ITGA9: variants seen among roughly 807,000 people sequenced by gnomAD.
ITGA9 encodes integrin subunit alpha 9, also known as integrin alpha-9.
In ITGA9, 56 loss-of-function variants were observed where a neutral mutation model predicts 127.8. The ratio of observed to expected loss-of-function variants is 0.44; its 90% CI spans 0.35 to 0.55. The LOEUF (loss-of-function observed/expected upper bound fraction) is 0.55, where lower values mean the gene tolerates loss of function less well. Among genes scored for constraint, ITGA9 ranks in the 20% least tolerant of loss-of-function variants. The pLI is 0.00. For synonymous variants in ITGA9, 508 were observed against 514.5 expected, an observed-to-expected ratio of 0.99 and a Z score of 0.17; for missense variants, 1,196 against 1,347.1, an observed-to-expected ratio of 0.89 and a Z score of 1.76.
At chr3:37,717,428 AC>A (rs1701146721) in intron 18 of ITGA9, among the ~76,000 whole-genome samples, 1 of 152,190 alleles carries the variant, frequency 6.6e-6, no homozygotes, top group Non-Finnish European at 1.5e-5. Flanking sequence ...ATAACGAACT[AC>A]CCGAGACTGG....
chr3:37,708,728 C>T (rs1399487826), intron 18 of ITGA9, among the ~76,000 whole-genome samples: 1 of 150 alleles, frequency 6.7e-3, no homozygotes, highest in Non-Finnish European at 0.016. Context: ...GCTGAGAAAC[C>T]CTGGATTATC....
chr3:37,599,141 G>A (rs1202408591), intron 15 of ITGA9, among the ~76,000 whole-genome samples: 1 of 152,230 alleles, frequency 6.6e-6, no homozygotes, highest in African/African-American at 2.4e-5. Context: ...TAGGTGCACG[G>A]CATAGTGTGT....
At chr3:37,530,717 G>GTT (rs71094916) in intron 13 of ITGA9, among the ~76,000 whole-genome samples, 17 of 86,252 alleles carry the variant, frequency 2.0e-4, no homozygotes, top group East Asian at 4.0e-4. Context: ...CAGCTACCAG[G>GTT]TTTTTTTTTT....
At chr3:37,503,359 C>T (rs1698807845) in intron 6 of ITGA9, 52 bp downstream of exon 6, 8 of 1,594,670 alleles carry the variant, frequency 5.0e-6, no homozygotes, top group South Asian at 1.1e-5. Flanking sequence ...GAGTGATTCC[C>T]ACCAGATTCA....
intron 27 of ITGA9, chr3:37,808,642 GT>G (rs1697328979): frequency 6.6e-6 from 1 of 152,220 alleles, no homozygotes; most frequent in South Asian, 2.1e-4. Flanking sequence ...TCCAGGAAGG[GT>G]TTGGCGGGGT....
At chr3:37,740,658 G>T (rs1696421823) in intron 20 of ITGA9, among the ~76,000 whole-genome samples, 1 of 152,140 alleles carries the variant, frequency 6.6e-6, no homozygotes, top group African/African-American at 2.4e-5. Context: ...GTCAAAGGTG[G>T]GTGCTCCATC....
chr3:37,513,067 G>A (rs1172716363), intron 8 of ITGA9, among the ~76,000 whole-genome samples: 1 of 152,212 alleles, frequency 6.6e-6, no homozygotes, highest in Non-Finnish European at 1.5e-5. Flanking sequence ...AGGACCAGGA[G>A]AGAATAACCT....
chr3:37,659,471 G>A (rs1473939863), intron 17 of ITGA9, among the ~76,000 whole-genome samples: 1 of 151,310 alleles, frequency 6.6e-6, no homozygotes, highest in Admixed American at 6.6e-5. Context: ...TGATCGATTT[G>A]GCTGTTGATA....
At chr3:37,744,373 C>T (rs1384440907) in intron 22 of ITGA9, among the ~76,000 whole-genome samples, 1 of 152,214 alleles carries the variant, frequency 6.6e-6, no homozygotes, top group Non-Finnish European at 1.5e-5. Flanking sequence ...TCATTCCCCA[C>T]CTTCTGGGCA....
chr3:37,512,136 TTTC>T (rs1390268047), intron 8 of ITGA9, among the ~76,000 whole-genome samples: 1 of 11,610 alleles, frequency 8.6e-5, no homozygotes, highest in Non-Finnish European at 1.7e-4. Flanking sequence ...TTTCTTTTCT[TTTC>T]TTTTCTTTTC....
chr3:37,694,460 G>A (rs765930194), intron 18 of ITGA9, among the ~76,000 whole-genome samples: 3 of 152,238 alleles, frequency 2.0e-5, no homozygotes, highest in African/African-American at 7.2e-5. Flanking sequence ...GTGGAGAAAC[G>A]CAGATGTCCA....
chr3:37,714,086 G>A (rs1316899573), intron 18 of ITGA9, among the ~76,000 whole-genome samples: 1 of 152,236 alleles, frequency 6.6e-6, no homozygotes, highest in East Asian at 1.9e-4. Flanking sequence ...AAATGCAGGA[G>A]CCATGGAGCC....
At chr3:37,625,456 T>A (rs190876280) in intron 15 of ITGA9, among the ~76,000 whole-genome samples, 4 of 152,314 alleles carry the variant, frequency 2.6e-5, no homozygotes, top group Non-Finnish European at 5.9e-5. Flanking sequence ...TTCTCCTCTG[T>A]GGGGACTCCT....
At chr3:37,667,600 T>C (rs781405945) in intron 17 of ITGA9, among the ~76,000 whole-genome samples, 4 of 152,238 alleles carry the variant, frequency 2.6e-5, no homozygotes, top group Non-Finnish European at 4.4e-5. Flanking sequence ...AGCTCAGGCG[T>C]AAGCACAACC....
intron 15 of ITGA9, among the ~76,000 whole-genome samples, chr3:37,623,770 T>C (rs1212130448): frequency 6.6e-6 from 1 of 151,986 alleles, no homozygotes; most frequent in Non-Finnish European, 1.5e-5. Context: ...ACTCTATCAT[T>C]ACTGGAAATG....
chr3:37,639,575 T>C (rs576788555), intron 16 of ITGA9, among the ~76,000 whole-genome samples: 1 of 152,174 alleles, frequency 6.6e-6, no homozygotes, highest in African/African-American at 2.4e-5. Context: ...TCATGCAGTC[T>C]GAAGCCACTT....
intron 15 of ITGA9, among the ~76,000 whole-genome samples, chr3:37,607,266 C>G (rs1395405866): frequency 6.6e-6 from 1 of 152,066 alleles, no homozygotes; most frequent in East Asian, 1.9e-4. Context: ...TGAGCTAATA[C>G]ATCCATCATC....
intron 16 of ITGA9, among the ~76,000 whole-genome samples, chr3:37,635,684 G>T (rs938529654): frequency 5.3e-5 from 8 of 151,276 alleles, no homozygotes; most frequent in Non-Finnish European, 1.0e-4. Flanking sequence ...CAACGTGCAG[G>T]TTTGTTACAT....
rs912115675 is a variant in ITGA9, at chr3:37,697,431, A to T, written c.2067+13416A>T. Among the ~76,000 whole-genome samples, 14 of 151,914 alleles carry T rather than the reference A, an allele frequency of 9.2e-5. No individual in the cohort carries two copies. In the East Asian group the frequency reaches 2.5e-3, roughly 27 times the overall value. On this transcript the variant is annotated intron_variant, in intron 18 of 27. Transcript: ENST00000264741. ...TACATGTGCCATGTTGGTTTGCTGC[A>T]CCCATTAACTCATCATTTACATTAG...
Sources: gnomAD v4.1 joint callset for allele counts (sites outside exome capture counted in the v4.1 genomes callset) on GRCh38, gnomAD v4.1.1 for gene constraint, MANE v1.5 for transcripts, NCBI Gene and HGNC (gene_info 2026-07-23, HGNC 2026-07-21) for gene names.